Variants in PIGN observed in about 807,000 individuals in gnomAD.
PIGN encodes the protein GPI ethanolamine phosphate transferase 1.
In PIGN, 117 loss-of-function variants were observed where a neutral mutation model predicts 125.4. That is an observed-to-expected ratio of 0.93 (90% CI 0.80 to 1.09). The LOEUF (loss-of-function observed/expected upper bound fraction) is 1.09. Among genes scored for constraint, PIGN ranks in the 50% least tolerant of loss-of-function variants. The probability of loss-of-function intolerance (pLI) is 0.00; values close to 1 mark genes in which losing one functional copy is unlikely to be tolerated. For synonymous variants in PIGN, 392 were observed against 377.8 expected, an observed-to-expected ratio of 1.04 and a Z score of -0.44; for missense variants, 1,075 against 1,094.9, an observed-to-expected ratio of 0.98 and a Z score of 0.26.
At chr18:62,059,853 CAAAG>C (rs1368364480) in intron 30 of PIGN, among the ~76,000 whole-genome samples, 3 of 152,054 alleles carry the variant, frequency 2.0e-5, no homozygotes, top group African/African-American at 4.8e-5. Flanking sequence ...AGAATAAAAA[CAAAG>C]AAAGAAAAGA....
At position 62,088,733 on chromosome 18, in the gene PIGN, A is replaced by G. The variant is rs1340261673; in HGVS notation, c.2370+23T>C. ...TTAAGTGGGAGTTGCAGCTCTTTAA[A>G]CCAAAGTCTCCACAAAGGATACAAG... On this transcript the variant is annotated intron_variant, in intron 25 of 30. Coordinates refer to ENST00000640252, the MANE Select transcript of PIGN (RefSeq NM_176787.5). The G allele has an allele frequency of 4.2e-6, 6 of 1,414,760 alleles. No individual in the cohort carries two copies. The East Asian group carries it at 7.4e-5, about 17-fold the overall frequency. 87.6% of individuals were successfully genotyped at this position (1,414,760 alleles called of 1,614,324 possible). A position where few individuals can be genotyped will look rare whatever the true frequency, so the allele number is the denominator to read the frequency against.
chr18:62,052,819 A>G, intron 30 of PIGN: 1 of 265,286 alleles, frequency 3.8e-6, no homozygotes, highest in Admixed American at 5.3e-5. Flanking sequence ...ACAATTTGGC[A>G]TGATTTTGCA....
intron 7 of PIGN, among the ~76,000 whole-genome samples, chr18:62,152,891 CA>C (rs1351760751): frequency 6.6e-6 from 1 of 150,530 alleles, no homozygotes; most frequent in Admixed American, 6.6e-5. Flanking sequence ...ACCACAGTTA[CA>C]AAAAAACAGG....
chr18:62,079,904 G>A (rs1197379796), intron 28 of PIGN, among the ~76,000 whole-genome samples: 5 of 151,976 alleles, frequency 3.3e-5, no homozygotes, highest in Admixed American at 6.6e-5. Flanking sequence ...ATTTAATAGA[G>A]TACCCACATA....
rs1326908690 is a variant in PIGN at position 62,042,923 on chromosome 18, G to C, written c.*2933C>G. 2 of 137,180 alleles carry C rather than the reference G, an allele frequency of 1.5e-5. No homozygotes were observed. The highest frequency in any genetic ancestry group is 4.0e-4 in the East Asian group (2 of 4,940). 8.5% of individuals were successfully genotyped at this position (137,180 alleles called of 1,614,324 possible). On this transcript the variant is annotated 3_prime_UTR_variant, in exon 31 of 31. Coordinates refer to ENST00000640252, the MANE Select transcript of PIGN (RefSeq NM_176787.5). ...TGAGACCCTGTCTCAAAACAAAAAC[G>C]AAAAAAAAAAAAACAAAAAACCATG...
In PIGN at chr18:62,140,472, A is replaced by G. The variant is rs370883560; in HGVS notation, c.971T>C (p.Ile324Thr). The G allele has an allele frequency of 6.5e-7, 1 of 1,541,012 alleles. No homozygotes were observed. Among genetic ancestry groups the G allele is most frequent in the East Asian group, 2.3e-5 (1 of 43,694 alleles). Residue 324 changes from isoleucine to threonine, a missense_variant, in exon 12 of 31, where the codon ATT (isoleucine) becomes ACT (threonine). Around this residue, in one of 3 missense-constraint regions of PIGN, gnomAD observed 915 missense variants for 908.7 expected, o/e 1.01. Coordinates refer to ENST00000640252, the MANE Select transcript of PIGN (RefSeq NM_176787.5). ...AATAAGGGAAGTCATCAATGGTGCAATATCAGCCTACAAATAAAAAAGCTC... is the reference window on the plus strand; with the variant it reads ...AATAAGGGAAGTCATCAATGGTGCAGTATCAGCCTACAAATAAAAAAGCTC... ...WKRLDVNQADIAPLMTSLIGV... is the reference protein window; with the variant it reads ...WKRLDVNQADTAPLMTSLIGV...
Position 62,082,682 on chromosome 18 carries a change from G to T in PIGN, c.2567C>A (p.Ser856Ter). Residue 856 changes from serine (S) to a stop codon, truncating the protein, a stop_gained, in exon 28 of 31, where the codon TCG becomes TAG. Transcript: ENST00000640252. LOFTEE classifies it high-confidence loss of function. ...AACTAATTCATCTTACCTTTTTGAC[G>T]ATAACTGAGTAGTCAACTGAACTGC... ...FEAVQLTTQL[S>*]SKSLFLIVLV... 6.5e-7 allele frequency: 1 copy of T among 1,528,978 alleles called. No homozygotes were observed. Among genetic ancestry groups the T allele is most frequent in the Non-Finnish European group, 8.9e-7 (1 of 1,124,896 alleles). 94.7% of individuals were successfully genotyped at this position (1,528,978 alleles called of 1,614,324 possible). A position where few individuals can be genotyped will look rare whatever the true frequency, so the allele number is the denominator to read the frequency against.
chr18:62,025,749 T>C (rs1197349107), intron 23 of PIGN, among the ~76,000 whole-genome samples: 1 of 152,166 alleles, frequency 6.6e-6, no homozygotes, highest in African/African-American at 2.4e-5. Context: ...AAAGTACCCA[T>C]ATTCACTCAG....
At chr18:62,086,618 G>T (rs11661786) in intron 25 of PIGN, among the ~76,000 whole-genome samples, 43,043 of 143,016 alleles carry the variant, frequency 0.3, 7,487 homozygotes, top group East Asian at 0.58. Flanking sequence ...TCCGTTTTTT[G>T]TTTTTTTTTT....
At chr18:62,130,824 T>C (rs2035706595) in intron 14 of PIGN, among the ~76,000 whole-genome samples, 1 of 152,106 alleles carries the variant, frequency 6.6e-6, no homozygotes, top group Non-Finnish European at 1.5e-5. Flanking sequence ...TTAGAATGTC[T>C]ATTTAAAGGG....
chr18:62,129,299 T>C (rs763342728), intron 14 of PIGN, among the ~76,000 whole-genome samples: 3 of 152,160 alleles, frequency 2.0e-5, no homozygotes, highest in African/African-American at 7.2e-5. Context: ...CTGCCATACT[T>C]TCCCACCTTA....
intron 30 of PIGN, chr18:62,052,331 G>A (rs944678720): frequency 2.0e-5 from 3 of 150,940 alleles, no homozygotes; most frequent in Non-Finnish European, 4.4e-5. Context: ...TAATGTGTGG[G>A]AGTCTAAGTC....
chr18:62,155,668 C>G (rs935826378), intron 6 of PIGN, among the ~76,000 whole-genome samples: 5 of 152,178 alleles, frequency 3.3e-5, no homozygotes, highest in African/African-American at 4.8e-5. Context: ...TCAGCCATTC[C>G]TCTTCCCACA....
intron 30 of PIGN, chr18:62,058,709 TG>T (rs2031909189): frequency 6.6e-6 from 1 of 152,240 alleles, no homozygotes; most frequent in African/African-American, 2.4e-5. Flanking sequence ...CTTTTCTTAA[TG>T]CTTTCAGTAT....
chr18:62,132,112 C>T (rs75026755), intron 14 of PIGN, among the ~76,000 whole-genome samples: 3,364 of 151,820 alleles, frequency 0.022, 102 homozygotes, highest in African/African-American at 0.058. Context: ...GACAACAGTA[C>T]TCTTTGATCT....
At chr18:62,100,840 C>T (rs1352900049) in intron 22 of PIGN, among the ~76,000 whole-genome samples, 1 of 152,126 alleles carries the variant, frequency 6.6e-6, no homozygotes, top group East Asian at 1.9e-4. Context: ...TTAATAAATA[C>T]ATAGCTTTAT....
chr18:62,139,029 G>A lies in PIGN; in HGVS notation c.1070C>T (p.Ala357Val). 1 of 1,609,086 alleles carries A rather than the reference G, an allele frequency of 6.2e-7. No homozygotes were observed. Among genetic ancestry groups the A allele is most frequent in the Non-Finnish European group, 8.5e-7 (1 of 1,177,220 alleles). Residue 357 changes from alanine (A) to valine (V), a missense_variant, in exon 13 of 31, where the codon GCA becomes GTA. This residue lies in a region of PIGN where 915 missense variants were observed against 908.7 expected (regional missense o/e 1.01). Transcript: ENST00000640252. ...DYLNNTDLFK[A>V]ESMFTNAVQI... ...TACTGCATTTGTAAACATGCTCTCT[G>A]CTTTGAAGAGATCAGTGTTGTTAAG...
intron 23 of PIGN, among the ~76,000 whole-genome samples, chr18:62,020,939 C>T (rs7232418): frequency 0.28 from 40,328 of 145,258 alleles, 6,407 homozygotes; most frequent in African/African-American, 0.45. Flanking sequence ...CTAGCCTGGG[C>T]GACTGAGCGA....
rs146565429 is a variant in PIGN, at chr18:62,027,659, A to C, written c.2143-9918T>G. ...TGAGCAGAGGGGTGACTTTGAATAG[A>C]ATGGGAGACAGGTTTGCCCTGAACA... On this transcript the variant is annotated intron_variant, in intron 23 of 24. Transcript: ENST00000639600. Among the ~76,000 whole-genome samples, 27 of 152,318 alleles carry C rather than the reference A, an allele frequency of 1.8e-4. No homozygotes were observed. The East Asian group carries it at 5.0e-3, about 28-fold the overall frequency.
Sources: gnomAD v4.1 joint callset for allele counts (sites outside exome capture counted in the v4.1 genomes callset) on GRCh38, gnomAD v4.1.1 for gene constraint, gnomAD v4.1.1 regional missense constraint, MANE v1.5 for transcripts, NCBI Gene and HGNC (gene_info 2026-07-23, HGNC 2026-07-21) for gene names.